The following CRACD variants were observed in gnomAD, a reference collection of about 807,000 sequenced individuals.
CRACD encodes capping protein-inhibiting regulator of actin dynamics.
In CRACD, 56 loss-of-function variants were observed where a neutral mutation model predicts 106.8. The observed-to-expected ratio is 0.52, with a 90% CI of 0.42 to 0.66. CRACD has a LOEUF of 0.66. CRACD is among the 30% of genes least tolerant of loss of function. The pLI is 0.00. For missense variants in CRACD, 1,730 were observed against 1,623.2 expected (o/e 1.07, Z -1.13); for synonymous variants, 754 against 670.8 (o/e 1.12, Z -1.92).
intron 3 of CRACD, among the ~76,000 whole-genome samples, chr4:56,280,216 C>T (rs540434081): frequency 2.0e-4 from 31 of 151,604 alleles, no homozygotes; most frequent in African/African-American, 6.8e-4. Flanking sequence ...ATGGGTGCAG[C>T]ACACCAACAT....
At chr4:56,121,237 T>A (rs577886997) in intron 1 of CRACD, among the ~76,000 whole-genome samples, 303 of 152,358 alleles carry the variant, frequency 2.0e-3, no homozygotes, top group Non-Finnish European at 3.5e-3. Flanking sequence ...AGTAAAATAT[T>A]TCCTGTGCAA....
intron 1 of CRACD, among the ~76,000 whole-genome samples, chr4:56,120,203 G>T (rs1734438173): frequency 6.6e-6 from 1 of 152,120 alleles, no homozygotes; most frequent in Non-Finnish European, 1.5e-5. Flanking sequence ...ACTTTGAACT[G>T]CTCCTTTTTG....
At chr4:56,198,708 G>A (rs79418886) in intron 2 of CRACD, among the ~76,000 whole-genome samples, 7,069 of 152,152 alleles carry the variant, frequency 0.046, 511 homozygotes, top group African/African-American at 0.15. Context: ...AAGAGAAAAT[G>A]TGTCCCTTCC....
chr4:56,191,299 G>A (rs2109456468), intron 2 of CRACD, among the ~76,000 whole-genome samples: 1 of 152,146 alleles, frequency 6.6e-6, no homozygotes, highest in South Asian at 2.1e-4. Context: ...AGCTTCTAGA[G>A]GCCACCTGCC....
intron 3 of CRACD, among the ~76,000 whole-genome samples, chr4:56,285,133 A>G (rs1007973018): frequency 1.3e-5 from 2 of 152,250 alleles, no homozygotes; most frequent in Non-Finnish European, 2.9e-5. Context: ...ACAAAGGGGG[A>G]AGTGCCACAC....
chr4:56,288,278 T>G (rs570349042), intron 3 of CRACD, among the ~76,000 whole-genome samples: 2 of 152,188 alleles, frequency 1.3e-5, no homozygotes, highest in Admixed American at 1.3e-4. Context: ...AGTACATGTA[T>G]AGGTTTGTTA....
chr4:56,283,849 C>T (rs1743171949), intron 3 of CRACD, among the ~76,000 whole-genome samples: 1 of 152,146 alleles, frequency 6.6e-6, no homozygotes. Context: ...CACATGTAGA[C>T]ACCAGGAAAA....
chr4:56,170,252 T>TGGGTATTCTGAAGAGC (rs1194485858), intron 1 of CRACD: 2 of 151,638 alleles, frequency 1.3e-5, no homozygotes, highest in Admixed American at 6.6e-5. Context: ...CTCTGAAGAG[T>TGGGTATTCTGAAGAGC]GGGTATTCTG....
chr4:56,222,915 C>T (rs886847752), intron 2 of CRACD, among the ~76,000 whole-genome samples: 1 of 151,946 alleles, frequency 6.6e-6, no homozygotes, highest in East Asian at 1.9e-4. Context: ...GCTGAGGTTG[C>T]AGTGGGCCGA....
chr4:56,102,891 A>T (rs4142), intron 1 of CRACD, among the ~76,000 whole-genome samples: 2 of 152,056 alleles, frequency 1.3e-5, no homozygotes, highest in South Asian at 2.1e-4. Flanking sequence ...TTGAGTGCTC[A>T]GCTCCAGCTG....
At chr4:56,115,370 T>A (rs1734244274) in intron 1 of CRACD, among the ~76,000 whole-genome samples, 1 of 152,234 alleles carries the variant, frequency 6.6e-6, no homozygotes, top group Non-Finnish European at 1.5e-5. Flanking sequence ...CATCTTTACC[T>A]CTTGGTTTCA....
In CRACD at chr4:56,313,384, G is replaced by T; in HGVS notation, c.537+5G>T. 1 of 1,611,382 alleles carries T rather than the reference G, an allele frequency of 6.2e-7. No homozygotes were observed. On this transcript the variant is annotated splice_donor_5th_base_variant and intron_variant, in intron 7 of 10. Coordinates refer to ENST00000682029, the MANE Select transcript of CRACD (RefSeq NM_001393381.1). ...AAGCACAGGCGCCTTGCCCAGGTGT[G>T]TAGAGCCTGCACGGGCTGACCAGGC... is the stretch of plus-strand genomic sequence containing the variant.
At chr4:56,227,763 G>T (rs1299383997) in intron 2 of CRACD, among the ~76,000 whole-genome samples, 1 of 152,166 alleles carries the variant, frequency 6.6e-6, no homozygotes, top group Non-Finnish European at 1.5e-5. Context: ...CTGGGTTTTT[G>T]AAATGAGTGC....
At chr4:56,117,514 GGA>G (rs999567572) in intron 1 of CRACD, among the ~76,000 whole-genome samples, 3 of 151,914 alleles carry the variant, frequency 2.0e-5, no homozygotes, top group Non-Finnish European at 4.4e-5. Flanking sequence ...GATTGCCAGA[GGA>G]GGGGGTGGGG....
intron 2 of CRACD, among the ~76,000 whole-genome samples, chr4:56,199,440 T>A (rs1425606470): frequency 6.6e-6 from 1 of 152,060 alleles, no homozygotes; most frequent in African/African-American, 2.4e-5. Context: ...TCCCAGCACT[T>A]TGGGAGGCCG....
At chr4:56,135,774 A>G (rs1318464101) in intron 1 of CRACD, among the ~76,000 whole-genome samples, 1 of 152,206 alleles carries the variant, frequency 6.6e-6, no homozygotes, top group African/African-American at 2.4e-5. Flanking sequence ...CACATATTTA[A>G]AAAGTGCAAT....
chr4:56,088,327 A>G (rs905308175), intron 1 of CRACD, among the ~76,000 whole-genome samples: 7 of 151,760 alleles, frequency 4.6e-5, no homozygotes, highest in Non-Finnish European at 7.4e-5. Context: ...CCTGGTGTCT[A>G]TTGTTCCCAG....
chr4:56,175,199 T>C (rs979104319), intron 1 of CRACD, among the ~76,000 whole-genome samples: 1 of 152,180 alleles, frequency 6.6e-6, no homozygotes, highest in Non-Finnish European at 1.5e-5. Flanking sequence ...AGCAGTGAGA[T>C]TGCTGGATCA....
In CRACD at chr4:56,059,921, T is replaced by C. The variant is rs1732214631; in HGVS notation, c.-336+10622T>C. Among the ~76,000 whole-genome samples the C allele has an allele frequency of 2.0e-5, 3 of 152,208 alleles. No individual in the cohort carries two copies. In the South Asian group the frequency reaches 6.2e-4, roughly 31 times the overall value. On this transcript the variant is annotated intron_variant, in intron 1 of 10. Transcript: ENST00000682029. ...CTGGTCTCAAACTCTTGGTTTCATG[T>C]GATCCACTTGCCTCGGCCTCCCAAA...
Sources: gnomAD v4.1 joint callset for allele counts (sites outside exome capture counted in the v4.1 genomes callset) on GRCh38, gnomAD v4.1.1 for gene constraint, MANE v1.5 for transcripts, NCBI Gene and HGNC (gene_info 2026-07-23, HGNC 2026-07-21) for gene names.